STAB1: variants seen among roughly 807,000 people sequenced by gnomAD.
The protein encoded by STAB1 is stabilin 1.
A neutral mutation model predicts 332.4 loss-of-function variants in STAB1; 250 were observed. The observed-to-expected ratio is 0.75, with a 90% CI of 0.68 to 0.84. The LOEUF is 0.84. Among genes scored for constraint, STAB1 ranks in the 40% least tolerant of loss-of-function variants. STAB1 has a pLI of 0.00. For synonymous variants in STAB1, 1,475 were observed against 1,390.4 expected (o/e 1.06, Z -1.35); for missense variants, 3,249 against 3,489.7 (o/e 0.93, Z 1.74).
chr3:52,511,316 C>A (rs1165645659), intron 25 of STAB1, among the ~76,000 whole-genome samples: 3 of 152,184 alleles, frequency 2.0e-5, no homozygotes, highest in Non-Finnish European at 2.9e-5. Context: ...TATCCTGGGG[C>A]TGGCCTTGGC....
At chr3:52,499,770 G>A (rs1708303534) in intron 1 of STAB1, among the ~76,000 whole-genome samples, 1 of 150,576 alleles carries the variant, frequency 6.6e-6, no homozygotes, top group African/African-American at 2.4e-5. Flanking sequence ...GTAGTGGCGG[G>A]CGCCTGTAGT....
intron 16 of STAB1, 23 bp downstream of exon 16, chr3:52,505,959 G>A (rs1238505290): frequency 6.2e-7 from 1 of 1,612,956 alleles, no homozygotes; most frequent in South Asian, 1.1e-5. Flanking sequence ...TTTCTGGGGG[G>A]CGGCCAGCTT....
At chr3:52,510,904 C>G (rs1709253920) in intron 25 of STAB1, among the ~76,000 whole-genome samples, 1 of 152,228 alleles carries the variant, frequency 6.6e-6, no homozygotes, top group Non-Finnish European at 1.5e-5. Context: ...CATTTCAGGA[C>G]TGGTGAACCA....
chr3:52,507,842 G>A, intron 19 of STAB1, 89 bp from the exon 20 acceptor site: 5 of 1,471,654 alleles, frequency 3.4e-6, no homozygotes, highest in Non-Finnish European at 4.7e-6. Context: ...CTGGACCCAG[G>A]GGGCAGAGGT....
rs1162836546 is a variant in STAB1, at chr3:52,501,156, G to A, written c.79-10G>A. On this transcript the variant is annotated splice_polypyrimidine_tract_variant and intron_variant, in intron 1 of 68. Coordinates refer to ENST00000321725, the MANE Select transcript of STAB1 (RefSeq NM_015136.3). ...CCAGGCCCCTGACCACACCCTGCCT[G>A]TGGCCCCAGGTGCTGTTCAAAGGCT... 1.2e-6 allele frequency: 2 copies of A among 1,610,954 alleles called. No homozygotes were observed. The highest frequency in any genetic ancestry group is 1.1e-5 in the South Asian group (1 of 91,036).
chr3:52,499,291 T>C (rs1708262522), intron 1 of STAB1, among the ~76,000 whole-genome samples: 1 of 152,256 alleles, frequency 6.6e-6, no homozygotes, highest in African/African-American at 2.4e-5. Context: ...GGGACTTTGT[T>C]GCCGTAGAAG....
intron 65 of STAB1, 22 bp from the exon 66 acceptor site, chr3:52,523,630 C>G: frequency 6.2e-7 from 1 of 1,612,810 alleles, no homozygotes; most frequent in East Asian, 2.2e-5. Context: ...TCACAGTGGG[C>G]CTGACTCTGG....
At chr3:52,517,295 C>A in intron 42 of STAB1, 25 bp from the exon 43 acceptor site, 1 of 1,540,176 alleles carries the variant, frequency 6.5e-7, no homozygotes, top group Non-Finnish European at 8.7e-7. Context: ...AAGGGCCACC[C>A]CCATCCCAGT....
intron 25 of STAB1, among the ~76,000 whole-genome samples, chr3:52,511,229 C>A (rs556277733): frequency 1.3e-5 from 2 of 152,302 alleles, no homozygotes; most frequent in South Asian, 4.2e-4. Context: ...GTAGACAAGC[C>A]CAGGGACACT....
rs775928498 is a variant in STAB1, at chr3:52,509,218, T to C, written c.2244T>C (p.Asp748=). 3.5e-5 allele frequency: 56 copies of C among 1,613,556 alleles called. No individual in the cohort carries two copies. The highest frequency in any genetic ancestry group is 4.5e-5 in the Non-Finnish European group (53 of 1,179,892). Residue 748 remains aspartate, a synonymous_variant, in exon 22 of 69, where the codon GAT becomes GAC. Coordinates refer to ENST00000321725, the MANE Select transcript of STAB1 (RefSeq NM_015136.3). ...TTCTGCTCACTCTCTAGTGCAGTGA[T>C]GGGATCCAGGGCAATGGGGCCTGCC... is the stretch of plus-strand genomic sequence containing the variant. ...NPCYGKGNCS[D]GIQGNGACLC...
intron 50 of STAB1, 103 bp downstream of exon 50, chr3:52,519,667 CTG>C: frequency 2.7e-6 from 4 of 1,497,168 alleles, no homozygotes; most frequent in Non-Finnish European, 3.7e-6. Flanking sequence ...TGTGTGCACA[CTG>C]TCCCGTGTGA....
intron 37 of STAB1, 108 bp from the exon 38 acceptor site, chr3:52,515,935 T>C (rs2078845984): frequency 7.9e-7 from 1 of 1,264,918 alleles, no homozygotes; most frequent in Non-Finnish European, 1.1e-6. Flanking sequence ...ACTGGGGTTC[T>C]GAGGGGTTTT....
In STAB1 at chr3:52,515,471, C is replaced by A; in HGVS notation, c.3913C>A (p.Arg1305=). 6.2e-7 allele frequency: 1 copy of A among 1,613,526 alleles called. No individual in the cohort carries two copies. The highest frequency in any genetic ancestry group is 8.5e-7 in the Non-Finnish European group (1 of 1,180,016). ...CTACCGATCTGGCTTCTCCTTCTCC[C>A]GGGGCTGCTCTTACACATGTGCCAA... The part of the protein sequence containing the change: ...CVYRSGFSFS[R]GCSYTCAKKI... The change falls in exon 37 of 69, where the codon CGG becomes AGG. Residue 1305 remains arginine (R), a synonymous_variant. Coordinates refer to ENST00000321725, the MANE Select transcript of STAB1 (RefSeq NM_015136.3).
At chr3:52,502,889 C>A in intron 6 of STAB1, 110 bp from the exon 7 acceptor site, 2 of 1,235,498 alleles carry the variant, frequency 1.6e-6, no homozygotes, top group Non-Finnish European at 2.2e-6. Flanking sequence ...AGAGGCCCAG[C>A]AAGGTCAGGG....
chr3:52,502,096 G>A lies in STAB1; in HGVS notation c.417+5G>A. On this transcript the variant is annotated splice_donor_5th_base_variant and intron_variant, in intron 4 of 68. Coordinates refer to ENST00000321725, the MANE Select transcript of STAB1 (RefSeq NM_015136.3). ...AATGGGACCTGTGTGTGCCAGGTAA[G>A]GGCTGGGCAAGGTGGGGTGGAGGCT... 1 of 1,613,722 alleles carries A rather than the reference G, an allele frequency of 6.2e-7. No homozygotes were observed. Among genetic ancestry groups the A allele is most frequent in the Non-Finnish European group, 8.5e-7 (1 of 1,180,018 alleles).
At position 52,497,248 on chromosome 3, in the gene STAB1, C is replaced by T. The variant is rs536294212; in HGVS notation, c.78+1757C>T. ...CAGGTAATCCACCTGCCTCAGCCTC[C>T]CAAAGTGCTGGGATTACAGGTGTGA... On this transcript the variant is annotated intron_variant, in intron 1 of 68. Coordinates refer to ENST00000321725, the MANE Select transcript of STAB1 (RefSeq NM_015136.3). Among the ~76,000 whole-genome samples, 7 of 152,222 alleles carry T rather than the reference C, an allele frequency of 4.6e-5. No homozygotes were observed. The East Asian group carries it at 1.4e-3, about 29-fold the overall frequency.
At chr3:52,512,486 G>A (rs779401134) in intron 27 of STAB1, 50 bp downstream of exon 27, 1 of 1,609,010 alleles carries the variant, frequency 6.2e-7, no homozygotes. Flanking sequence ...TTGGGAAGGA[G>A]CCCTCTCCAG....
chr3:52,507,902 A>T, intron 19 of STAB1, 29 bp from the exon 20 acceptor site: 1 of 1,604,178 alleles, frequency 6.2e-7, no homozygotes, highest in Non-Finnish European at 8.5e-7. Context: ...ACCCACACCC[A>T]CTGACTGGCT....
Position 52,516,138 on chromosome 3 carries a change from C to T in STAB1, c.4044C>T (p.Asp1348=), listed in dbSNP as rs1247379560. The part of the protein sequence containing the change: ...GVCSGHGQCQ[D]RFLGSGECHC... ...GCTCAGGCCATGGGCAGTGCCAGGA[C>T]AGGTTCCTGGGCAGCGGGGAGTGCC... The change falls in exon 38 of 69, where the codon GAC becomes GAT. Residue 1348 remains aspartate (D), a synonymous_variant. Coordinates refer to ENST00000321725, the MANE Select transcript of STAB1 (RefSeq NM_015136.3). 3 of 1,611,730 alleles carry T rather than the reference C, an allele frequency of 1.9e-6. No individual in the cohort carries two copies. The highest frequency in any genetic ancestry group is 2.7e-5 in the African/African-American group (2 of 74,782).
Sources: allele counts gnomAD v4.1 joint callset (sites outside exome capture counted in the v4.1 genomes callset), GRCh38; gene constraint gnomAD v4.1.1; transcripts MANE v1.5; gene names NCBI Gene and HGNC (gene_info 2026-07-23, HGNC 2026-07-21).